The following FRMD4B variants were observed in gnomAD, a reference collection of about 807,000 sequenced individuals.
FRMD4B encodes FERM domain-containing protein 4B.
FRMD4B carries 74 observed loss-of-function variants against 141.5 expected under a neutral mutation model. The observed-to-expected ratio is 0.52, with a 90% CI of 0.43 to 0.63. The LOEUF is 0.63. Among genes scored for constraint, FRMD4B ranks in the 30% least tolerant of loss-of-function variants. FRMD4B has a pLI of 0.00. For synonymous variants in FRMD4B, 506 were observed against 467.9 expected (o/e 1.08, Z -1.05); for missense variants, 1,366 against 1,253.4 (o/e 1.09, Z -1.36).
At chr3:69,328,687 C>T (rs1199143435) in intron 1 of FRMD4B, among the ~76,000 whole-genome samples, 1 of 152,208 alleles carries the variant, frequency 6.6e-6, no homozygotes, top group Non-Finnish European at 1.5e-5. Context: ...GTAGTCCTCA[C>T]TGCTCATTAT....
chr3:69,297,413 C>G (rs12494583), intron 4 of FRMD4B, among the ~76,000 whole-genome samples: 1 of 151,952 alleles, frequency 6.6e-6, no homozygotes, highest in African/African-American at 2.4e-5. Flanking sequence ...ACATGCAGTC[C>G]TAGGACCCAG....
intron 21 of FRMD4B, among the ~76,000 whole-genome samples, chr3:69,178,869 G>T (rs181578489): frequency 6.6e-6 from 1 of 151,456 alleles, no homozygotes; most frequent in East Asian, 1.9e-4. Context: ...TTAAATAGGA[G>T]AGTGCATGTA....
In FRMD4B at chr3:69,385,991, C is replaced by T. The variant is rs1376611631; in HGVS notation, c.-2G>A. 1.9e-6 allele frequency: 3 copies of T among 1,582,862 alleles called. No individual in the cohort carries two copies. Among genetic ancestry groups the T allele is most frequent in the Non-Finnish European group, 2.6e-6 (3 of 1,162,042 alleles). On this transcript the variant is annotated 5_prime_UTR_variant, in exon 1 of 23. Transcript: ENST00000398540. ...GCCACACATGAACACCGAAGCCATG[C>T]CTCCTCCTTCGCTCTGAACCCGGGC...
chr3:69,530,143 A>C (rs984532580), intron 1 of FRMD4B, among the ~76,000 whole-genome samples: 6 of 152,252 alleles, frequency 3.9e-5, no homozygotes, highest in Non-Finnish European at 8.8e-5. Flanking sequence ...GACAGAATTG[A>C]GGAGGTGCAA....
chr3:69,381,651 A>G (rs1479448027), intron 1 of FRMD4B, among the ~76,000 whole-genome samples: 5 of 152,210 alleles, frequency 3.3e-5, no homozygotes, highest in South Asian at 4.1e-4. Context: ...AGAATTCACA[A>G]TTATGGGATA....
chr3:69,277,948 C>T (rs994145420), intron 5 of FRMD4B, among the ~76,000 whole-genome samples: 6 of 151,540 alleles, frequency 4.0e-5, no homozygotes, highest in African/African-American at 7.3e-5. Context: ...CTCTGCCTCC[C>T]GGGTTCAAGA....
chr3:69,368,494 C>G (rs574964236), intron 1 of FRMD4B, among the ~76,000 whole-genome samples: 1 of 152,182 alleles, frequency 6.6e-6, no homozygotes, highest in African/African-American at 2.4e-5. Flanking sequence ...CTCACAGATC[C>G]CTCAAGCCTG....
At chr3:69,258,153 A>G (rs1447700358) in intron 5 of FRMD4B, among the ~76,000 whole-genome samples, 1 of 151,908 alleles carries the variant, frequency 6.6e-6, no homozygotes, top group Non-Finnish European at 1.5e-5. Context: ...TTTTATAGAG[A>G]CAGGGTTTTG....
At chr3:69,338,924 G>A (rs1702643929) in intron 1 of FRMD4B, among the ~76,000 whole-genome samples, 1 of 152,178 alleles carries the variant, frequency 6.6e-6, no homozygotes, top group South Asian at 2.1e-4. Context: ...TTGGCACATA[G>A]TAAGCACCCA....
rs573002222 is a variant in FRMD4B, at chr3:69,179,484, G to A, written c.2851+1415C>T. Among the ~76,000 whole-genome samples the A allele has an allele frequency of 5.9e-5, 9 of 152,268 alleles. No individual in the cohort carries two copies. The South Asian group carries it at 1.2e-3, about 21-fold the overall frequency. ...GAGCCATAAATAAGAAATAATTACCGAAGCCCTTTCATATGTTAGATGTGG... is the reference window on the plus strand; with the variant it reads ...GAGCCATAAATAAGAAATAATTACCAAAGCCCTTTCATATGTTAGATGTGG... On this transcript the variant is annotated intron_variant, in intron 21 of 22. Transcript: ENST00000398540.
chr3:69,190,711 G>T (rs187113279), intron 17 of FRMD4B, among the ~76,000 whole-genome samples: 1 of 152,248 alleles, frequency 6.6e-6, no homozygotes, highest in Non-Finnish European at 1.5e-5. Flanking sequence ...CACTATGACT[G>T]GCCAAGCTTT....
chr3:69,486,987 A>C (rs940703520), intron 1 of FRMD4B, among the ~76,000 whole-genome samples: 4 of 152,078 alleles, frequency 2.6e-5, no homozygotes, highest in African/African-American at 9.7e-5. Context: ...TTAAAAGATA[A>C]ATTACCCTAG....
chr3:69,541,859 C>G (rs1027156717), intron 1 of FRMD4B, among the ~76,000 whole-genome samples: 1 of 150,130 alleles, frequency 6.7e-6, no homozygotes, highest in African/African-American at 2.4e-5. Context: ...CAGCTTTTCT[C>G]CCGACCTCCC....
chr3:69,448,135 T>G (rs560728887), intron 1 of FRMD4B, among the ~76,000 whole-genome samples: 1 of 152,118 alleles, frequency 6.6e-6, no homozygotes, highest in South Asian at 2.1e-4. Context: ...GTTCAAGGGA[T>G]TCTCGTGGCT....
intron 5 of FRMD4B, among the ~76,000 whole-genome samples, chr3:69,263,105 A>C (rs1157564492): frequency 6.6e-6 from 1 of 151,942 alleles, no homozygotes; most frequent in Non-Finnish European, 1.5e-5. Context: ...CTAAAAATAC[A>C]AATTAGCCAG....
chr3:69,520,207 A>C (rs1700833662), intron 1 of FRMD4B, among the ~76,000 whole-genome samples: 2 of 71,244 alleles, frequency 2.8e-5, no homozygotes, highest in African/African-American at 1.9e-4. Context: ...ATATGATGGA[A>C]TATATATATA....
intron 1 of FRMD4B, among the ~76,000 whole-genome samples, chr3:69,482,656 G>A (rs1010147351): frequency 6.6e-6 from 1 of 152,162 alleles, no homozygotes; most frequent in African/African-American, 2.4e-5. Context: ...CCTTTTAACT[G>A]AAGAATCAAA....
At chr3:69,254,279 AT>A (rs1051769893) in intron 5 of FRMD4B, among the ~76,000 whole-genome samples, 7 of 150,076 alleles carry the variant, frequency 4.7e-5, no homozygotes, top group Admixed American at 1.3e-4. Flanking sequence ...TAATTTTTGT[AT>A]TTTTTTTTAG....
intron 4 of FRMD4B, among the ~76,000 whole-genome samples, chr3:69,295,081 A>G (rs1273769238): frequency 1.3e-5 from 2 of 152,182 alleles, no homozygotes; most frequent in African/African-American, 4.8e-5. Context: ...ACATTTATAT[A>G]GGGTCTACAT....
Sources: allele counts gnomAD v4.1 joint callset (sites outside exome capture counted in the v4.1 genomes callset), GRCh38; gene constraint gnomAD v4.1.1; transcripts MANE v1.5; gene names NCBI Gene and HGNC (gene_info 2026-07-23, HGNC 2026-07-21).